Variants in RHOU observed in about 807,000 individuals in gnomAD.
RHOU encodes the protein rho-related GTP-binding protein RhoU.
Under a neutral mutation model 12.6 loss-of-function variants are expected in RHOU, and 8 were observed. The observed-to-expected ratio is 0.64, with a 90% CI of 0.37 to 1.15. RHOU has a LOEUF of 1.15. Among genes scored for constraint, RHOU ranks in the 50% most tolerant of loss-of-function variants. RHOU has a pLI of 0.01. For missense variants in RHOU, 258 were observed against 347.0 expected, an observed-to-expected ratio of 0.74 and a Z score of 2.04; for synonymous variants, 161 against 147.4, an observed-to-expected ratio of 1.09 and a Z score of -0.67.
the RHOU span, among the ~76,000 whole-genome samples, chr1:228,672,960 AG>A: frequency 6.6e-6 from 1 of 152,222 alleles, no homozygotes; most frequent in South Asian, 2.1e-4. Flanking sequence ...GAACTGCCAC[AG>A]CTTATTCTTT....
chr1:228,655,039 T>G, the RHOU span, among the ~76,000 whole-genome samples: 1 of 152,172 alleles, frequency 6.6e-6, no homozygotes, highest in Non-Finnish European at 1.5e-5. Flanking sequence ...GTTGATTGCA[T>G]TTAATCCTAG....
the RHOU span, among the ~76,000 whole-genome samples, chr1:228,680,089 T>C: frequency 1.3e-5 from 2 of 152,252 alleles, no homozygotes; most frequent in East Asian, 3.9e-4. Flanking sequence ...AAACACACCC[T>C]TGAAAAGAAG....
the RHOU span, among the ~76,000 whole-genome samples, chr1:228,655,584 C>T: frequency 6.6e-6 from 1 of 152,184 alleles, no homozygotes; most frequent in South Asian, 2.1e-4. Flanking sequence ...GAGAGCCACT[C>T]CCTCTAAACC....
chr1:228,658,925 G>A, the RHOU span, among the ~76,000 whole-genome samples: 1 of 152,134 alleles, frequency 6.6e-6, no homozygotes, highest in Admixed American at 6.5e-5. Flanking sequence ...AACAATTACT[G>A]TATAAATGCA....
chr1:228,646,883 G>A, the RHOU span, among the ~76,000 whole-genome samples: 2 of 151,650 alleles, frequency 1.3e-5, no homozygotes, highest in Admixed American at 1.3e-4. Context: ...GATAGAAACC[G>A]AGGGAGGGAG....
the RHOU span, chr1:228,651,147 G>A: frequency 4.8e-6 from 1 of 206,600 alleles, no homozygotes; most frequent in Non-Finnish European, 1.0e-5. Flanking sequence ...GGCTTCATGG[G>A]CCAGCTCCTG....
At chr1:228,665,250 G>A in the RHOU span, among the ~76,000 whole-genome samples, 1 of 152,180 alleles carries the variant, frequency 6.6e-6, no homozygotes, top group East Asian at 1.9e-4. Context: ...TAATCTTTAT[G>A]ATAACCCCAA....
At chr1:228,692,478 T>G in the RHOU span, among the ~76,000 whole-genome samples, 2 of 152,238 alleles carry the variant, frequency 1.3e-5, no homozygotes, top group Non-Finnish European at 2.9e-5. Context: ...GTCCCTGCTC[T>G]GTGCTGAGTG....
chr1:228,681,160 C>T, the RHOU span, among the ~76,000 whole-genome samples: 21 of 152,238 alleles, frequency 1.4e-4, no homozygotes, highest in Admixed American at 4.6e-4. Context: ...ATTTGGGAAA[C>T]GTTTGGTAGA....
chr1:228,657,212 G>T, the RHOU span, among the ~76,000 whole-genome samples: 2 of 137,904 alleles, frequency 1.5e-5, no homozygotes, highest in African/African-American at 5.5e-5. Context: ...AGGAGGTGGA[G>T]GTTGCAGTGA....
At chr1:228,723,038 T>G in the RHOU span, among the ~76,000 whole-genome samples, 1 of 152,210 alleles carries the variant, frequency 6.6e-6, no homozygotes, top group African/African-American at 2.4e-5. Flanking sequence ...CTGCTACTCC[T>G]GGTCCCAGCC....
At chr1:228,650,794 CT>C in the RHOU span, 1 of 427,560 alleles carries the variant, frequency 2.3e-6, no homozygotes, top group Non-Finnish European at 4.6e-6. Context: ...TTGGAGGTGC[CT>C]ACCATGCATC....
chr1:228,741,681 A>AT (rs918168290), intron 2 of RHOU, among the ~76,000 whole-genome samples: 1 of 151,988 alleles, frequency 6.6e-6, no homozygotes, highest in Non-Finnish European at 1.5e-5. Context: ...CTTTTTAAAA[A>AT]TTTTTTTTAG....
chr1:228,669,615 A>G, the RHOU span, among the ~76,000 whole-genome samples: 1 of 152,166 alleles, frequency 6.6e-6, no homozygotes, highest in African/African-American at 2.4e-5. Flanking sequence ...AATAGAACTA[A>G]AAGGCCTTAA....
At chr1:228,686,544 AC>A in the RHOU span, among the ~76,000 whole-genome samples, 63 of 152,338 alleles carry the variant, frequency 4.1e-4, no homozygotes, top group African/African-American at 1.5e-3. Flanking sequence ...ATACTCTCCT[AC>A]ACCATGAGAC....
chr1:228,718,719 G>A, the RHOU span, among the ~76,000 whole-genome samples: 1 of 152,180 alleles, frequency 6.6e-6, no homozygotes, highest in African/African-American at 2.4e-5. Context: ...AGAGAACTTA[G>A]AAAACTGTCT....
chr1:228,694,833 ATGGGATTGC>A, the RHOU span, among the ~76,000 whole-genome samples: 5 of 152,158 alleles, frequency 3.3e-5, no homozygotes, highest in African/African-American at 7.2e-5. Context: ...ATACCTCGTA[ATGGGATTGC>A]TGGATCAAAT....
the RHOU span, among the ~76,000 whole-genome samples, chr1:228,682,074 C>T: frequency 6.6e-6 from 1 of 152,128 alleles, no homozygotes; most frequent in Non-Finnish European, 1.5e-5. Flanking sequence ...TGGTGACTGG[C>T]GCCAGAGTTT....
At chr1:228,662,003 T>A in the RHOU span, among the ~76,000 whole-genome samples, 5 of 151,892 alleles carry the variant, frequency 3.3e-5, no homozygotes, top group East Asian at 3.9e-4. Context: ...AACAAACCCA[T>A]CAAAAAGTGG....
Sources: allele counts gnomAD v4.1 joint callset (sites outside exome capture counted in the v4.1 genomes callset), GRCh38; gene constraint gnomAD v4.1.1; transcripts MANE v1.5; gene names NCBI Gene and HGNC (gene_info 2026-07-23, HGNC 2026-07-21).